Variants in TFIP11 observed in about 807,000 individuals in gnomAD.
TFIP11 encodes the protein tuftelin-interacting protein 11.
In TFIP11, 86 loss-of-function variants were observed where a neutral mutation model predicts 96.8. The ratio of observed to expected loss-of-function variants is 0.89; its 90% CI spans 0.75 to 1.06. The LOEUF is 1.06. Ranked by LOEUF, TFIP11 falls within the 50% of genes least tolerant of loss-of-function variation. The pLI is 0.00. For synonymous variants in TFIP11, 405 were observed against 395.2 expected, an observed-to-expected ratio of 1.02 and a Z score of -0.29; for missense variants, 881 against 1,076.7, an observed-to-expected ratio of 0.82 and a Z score of 2.54.
Position 26,495,974 on chromosome 22 carries a change from T to C in TFIP11, c.1849+99A>G, listed in dbSNP as rs1301256974. 10 of 1,504,986 alleles carry C rather than the reference T, an allele frequency of 6.6e-6. No individual in the cohort carries two copies. The East Asian group carries it at 2.3e-4, about 34-fold the overall frequency. The allele number at this position is 1,504,986 out of a possible 1,614,324, so 93.2% of individuals were successfully genotyped here. On this transcript the variant is annotated intron_variant, in intron 12 of 14. Transcript: ENST00000407690. The stretch of plus-strand genomic sequence containing the variant: ...AAGGAATATTGTGTACTAAGCACTT[T>C]CATGAACATAAAGGCGATGCTTTAA...
chr22:26,511,055 G>A (rs1220355853), intron 2 of TFIP11: 1 of 152,184 alleles, frequency 6.6e-6, no homozygotes, highest in Admixed American at 6.5e-5. Context: ...GGGTTCTCTA[G>A]AGCGACATAA....
At chr22:26,503,007 C>T (rs918184412) in intron 7 of TFIP11, among the ~76,000 whole-genome samples, 2 of 152,220 alleles carry the variant, frequency 1.3e-5, no homozygotes, top group Non-Finnish European at 2.9e-5. Context: ...TAACATGTCT[C>T]TTTGCAGCAT....
rs753848456 is a variant in TFIP11 at position 26,506,575 on chromosome 22, T to G, written c.364-116A>C. On this transcript the variant is annotated intron_variant, in intron 5 of 14. Coordinates refer to ENST00000407690, the MANE Select transcript of TFIP11 (RefSeq NM_012143.4). ...TTATACAGCACTATGAAAAGTGTCA[T>G]ATGAACCAAAAATGTGTGTGATAAC... is the stretch of plus-strand genomic sequence containing the variant. 3.6e-6 allele frequency: 5 copies of G among 1,381,660 alleles called. No individual in the cohort carries two copies. In the East Asian group the frequency reaches 1.2e-4, roughly 33 times the overall value. 85.6% of individuals were successfully genotyped at this position (1,381,660 alleles called of 1,614,324 possible).
rs528596348 is a variant in TFIP11 at position 26,491,856 on chromosome 22, T to C, written c.*157A>G. The stretch of plus-strand genomic sequence containing the variant: ...ATAAAGATTCCTGCCCTACGTGGCA[T>C]TGTCCCATTTTACATCCTTCCCTCA... On this transcript the variant is annotated 3_prime_UTR_variant, in exon 15 of 15. Coordinates refer to ENST00000407690, the MANE Select transcript of TFIP11 (RefSeq NM_012143.4). 8.9e-5 allele frequency: 84 copies of C among 942,918 alleles called. No homozygotes were observed. Among genetic ancestry groups the C allele is most frequent in the Admixed American group, 5.1e-4 (19 of 37,140 alleles). 58.4% of individuals were successfully genotyped at this position (942,918 alleles called of 1,614,324 possible).
intron 14 of TFIP11, chr22:26,493,155 G>A (rs1235464617): frequency 6.6e-6 from 1 of 151,952 alleles, no homozygotes; most frequent in African/African-American, 2.4e-5. Context: ...AGCCTCCTAA[G>A]TAGCTGGCAT....
chr22:26,494,376 G>C, intron 13 of TFIP11, 72 bp from the exon 14 acceptor site: 2 of 1,580,116 alleles, frequency 1.3e-6, no homozygotes, highest in Non-Finnish European at 1.7e-6. Flanking sequence ...GTGGCCATTT[G>C]TTTTGTTTTG....
chr22:26,494,438 A>AT (rs1164928033), intron 13 of TFIP11, 134 bp from the exon 14 acceptor site: 9 of 1,082,760 alleles, frequency 8.3e-6, no homozygotes, highest in African/African-American at 3.1e-5. Context: ...TATAGTAGCT[A>AT]AACAGTCTAG....
intron 14 of TFIP11, 190 bp from the exon 15 acceptor site, chr22:26,492,558 G>A: frequency 1.7e-6 from 1 of 595,496 alleles, no homozygotes; most frequent in Non-Finnish European, 3.0e-6. Flanking sequence ...CTGTTCAGAA[G>A]GTTCCTGGCT....
intron 10 of TFIP11, 125 bp from the exon 11 acceptor site, chr22:26,497,014 A>G (rs1316595666): frequency 1.4e-5 from 17 of 1,172,598 alleles, no homozygotes; most frequent in Non-Finnish European, 1.9e-5. Flanking sequence ...AATCAGAGGA[A>G]ACCATCAGGC....
At chr22:26,494,397 T>G in intron 13 of TFIP11, 93 bp from the exon 14 acceptor site, 1 of 1,430,320 alleles carries the variant, frequency 7.0e-7, no homozygotes, top group East Asian at 2.3e-5. Context: ...ATCCTGGTCC[T>G]ACAGGCTAGT....
rs184287026 is a variant in TFIP11, at chr22:26,496,658, C to A, written c.1605+63G>T. On this transcript the variant is annotated intron_variant, in intron 11 of 14. Transcript: ENST00000407690. ...TTTTAACAGCACTGAGATAATGAAG[C>A]CACAGACTGAACAAGTCCCTGTGAT... 69 of 1,573,930 alleles carry A rather than the reference C, an allele frequency of 4.4e-5. No individual in the cohort carries two copies. The African/African-American group carries it at 7.7e-4, about 18-fold the overall frequency.
chr22:26,511,578 CT>C (rs1201900371), intron 2 of TFIP11: 1 of 152,220 alleles, frequency 6.6e-6, no homozygotes, highest in African/African-American at 2.4e-5. Context: ...AAATTCAACT[CT>C]ATCAGATACC....
Position 26,491,458 on chromosome 22 carries a change from C to A in TFIP11, c.*555G>T. The A allele has an allele frequency of 6.2e-7, 1 of 1,606,864 alleles. No homozygotes were observed. The highest frequency in any genetic ancestry group is 8.5e-7 in the Non-Finnish European group (1 of 1,176,946). ...AAGTTTTTATACTTGAATTTTTCTG[C>A]TCAGATTTTAAAAGGACTGGAGGAG... is the stretch of plus-strand genomic sequence containing the variant. On this transcript the variant is annotated 3_prime_UTR_variant, in exon 15 of 15. Coordinates refer to ENST00000407690, the MANE Select transcript of TFIP11 (RefSeq NM_012143.4).
intron 4 of TFIP11, among the ~76,000 whole-genome samples, chr22:26,509,442 G>A (rs1923794070): frequency 6.6e-6 from 1 of 152,244 alleles, no homozygotes; most frequent in Admixed American, 6.5e-5. Context: ...ACAGTCACAA[G>A]TTTGATCGTC....
intron 6 of TFIP11, 97 bp from the exon 7 acceptor site, chr22:26,503,890 T>C: frequency 6.7e-7 from 1 of 1,490,344 alleles, no homozygotes; most frequent in Non-Finnish European, 9.1e-7. Flanking sequence ...TCTTGCTCCT[T>C]CCACAAAATA....
At chr22:26,507,154 A>T (rs551715701) in intron 4 of TFIP11, among the ~76,000 whole-genome samples, 5 of 152,350 alleles carry the variant, frequency 3.3e-5, no homozygotes, top group African/African-American at 1.2e-4. Context: ...TCTACGGCTG[A>T]AGAGTTATCA....
intron 6 of TFIP11, among the ~76,000 whole-genome samples, chr22:26,504,275 T>G (rs1923147407): frequency 6.6e-6 from 1 of 152,334 alleles, no homozygotes; most frequent in East Asian, 1.9e-4. Context: ...TATAACAAGT[T>G]TAAGCCCTGG....
chr22:26,501,161 G>A (rs1489424222), intron 8 of TFIP11, among the ~76,000 whole-genome samples: 2 of 152,154 alleles, frequency 1.3e-5, no homozygotes, highest in Non-Finnish European at 2.9e-5. Flanking sequence ...GATTACAGGC[G>A]TGAGCCACCA....
At chr22:26,494,101 T>C in intron 14 of TFIP11, 38 bp downstream of exon 14, 1 of 1,607,464 alleles carries the variant, frequency 6.2e-7, no homozygotes, top group Non-Finnish European at 8.5e-7. Context: ...AATCTGAAAC[T>C]TGGGGCCAGG....
Sources: allele counts gnomAD v4.1 joint callset (sites outside exome capture counted in the v4.1 genomes callset), GRCh38; gene constraint gnomAD v4.1.1; transcripts MANE v1.5; gene names NCBI Gene and HGNC (gene_info 2026-07-23, HGNC 2026-07-21).